The following IMMP2L variants were observed in gnomAD, a reference collection of about 807,000 sequenced individuals.
The protein encoded by IMMP2L is mitochondrial inner membrane protease subunit 2.
Under a neutral mutation model 19.3 loss-of-function variants are expected in IMMP2L, and 18 were observed. The observed-to-expected ratio is 0.93, with a 90% confidence interval of 0.64 to 1.38. The LOEUF (loss-of-function observed/expected upper bound fraction) is 1.38, where lower values mean the gene tolerates loss of function less well. IMMP2L is among the 40% of genes most tolerant of loss of function. The probability of loss-of-function intolerance (pLI) is 0.00; values close to 1 mark genes in which losing one functional copy is unlikely to be tolerated. For synonymous variants in IMMP2L, 76 were observed against 73.0 expected, an observed-to-expected ratio of 1.04 and a Z score of -0.21; for missense variants, 233 against 218.2, an observed-to-expected ratio of 1.07 and a Z score of -0.43.
chr7:110,886,665 T>C lies in IMMP2L; in HGVS notation c.336A>G (p.Lys112=). Residue 112 remains lysine (K), a synonymous_variant, in exon 5 of 6, where the codon AAA becomes AAG. Coordinates refer to ENST00000405709, the MANE Select transcript of IMMP2L (RefSeq NM_032549.4). The part of the protein sequence containing the change: ...RTIGHKNRYV[K]VPRGHIWVEG... Reference sequence around the variant, plus strand: ...CAACCCAGATGTGACCACGGGGGACTTTGACATACCGGTTTTTGTGTCCTA... The same window carrying C: ...CAACCCAGATGTGACCACGGGGGACCTTGACATACCGGTTTTTGTGTCCTA... 1.2e-6 allele frequency: 2 copies of C among 1,604,036 alleles called. No homozygotes were observed. Among genetic ancestry groups the C allele is most frequent in the Admixed American group, 1.7e-5 (1 of 59,938 alleles).
At chr7:110,910,397 T>C (rs529510990) in intron 4 of IMMP2L, among the ~76,000 whole-genome samples, 1 of 152,268 alleles carries the variant, frequency 6.6e-6, no homozygotes, top group Admixed American at 6.5e-5. Flanking sequence ...CTTGTAGTGT[T>C]TATGTACTCA....
rs545949157 is a variant in IMMP2L, at chr7:111,302,390, A to G, written c.239+184848T>C. On this transcript the variant is annotated intron_variant, in intron 3 of 5. Transcript: ENST00000405709. ...TCTGCCTTGTTCAGCAGACCAGCAC[A>G]TAGAATAGTGCTTGACGTCCCTATT... 1.2e-4 allele frequency among the ~76,000 whole-genome samples: 18 copies of G among 152,244 alleles called. No homozygotes were observed. The South Asian group carries it at 3.5e-3, about 30-fold the overall frequency.
intron 5 of IMMP2L, among the ~76,000 whole-genome samples, chr7:110,865,296 T>C (rs1017208206): frequency 6.6e-6 from 1 of 151,884 alleles, no homozygotes; most frequent in Non-Finnish European, 1.5e-5. Flanking sequence ...CCTCTAAAAG[T>C]AAATAAAATT....
At chr7:111,099,367 A>G (rs1166224784) in intron 3 of IMMP2L, among the ~76,000 whole-genome samples, 1 of 151,750 alleles carries the variant, frequency 6.6e-6, no homozygotes, top group African/African-American at 2.4e-5. Flanking sequence ...TCAATTTTCA[A>G]TGAAATTCAT....
At chr7:110,823,182 C>T (rs1027934063) in intron 5 of IMMP2L, among the ~76,000 whole-genome samples, 2 of 152,038 alleles carry the variant, frequency 1.3e-5, no homozygotes, top group Non-Finnish European at 2.9e-5. Context: ...TACTGGCATG[C>T]TTTATCTCCC....
chr7:111,172,426 A>G (rs1806548237), intron 3 of IMMP2L, among the ~76,000 whole-genome samples: 1 of 151,606 alleles, frequency 6.6e-6, no homozygotes, highest in African/African-American at 2.4e-5. Flanking sequence ...ACATGTATAC[A>G]ACGTGTAATG....
chr7:111,249,827 A>C (rs1815869337), intron 3 of IMMP2L, among the ~76,000 whole-genome samples: 1 of 152,174 alleles, frequency 6.6e-6, no homozygotes. Flanking sequence ...CAAAAGTTAG[A>C]AGCATTTCCT....
rs543555364 is a variant in IMMP2L, at chr7:110,931,848, G to A, written c.305+31652C>T. Among the ~76,000 whole-genome samples the A allele has an allele frequency of 2.2e-4, 34 of 152,198 alleles. 1 individual carries two copies. In the South Asian group the frequency reaches 6.8e-3, roughly 31 times the overall value. On this transcript the variant is annotated intron_variant, in intron 4 of 5. Transcript: ENST00000405709. ...ACTACACTCCACTTCATATCCACCAGAGGACCCCTTTTTCCCTTACTCAGA... is the reference window on the plus strand; with the variant it reads ...ACTACACTCCACTTCATATCCACCAAAGGACCCCTTTTTCCCTTACTCAGA...
chr7:110,715,304 CT>C (rs766514321), intron 5 of IMMP2L, among the ~76,000 whole-genome samples: 10 of 151,882 alleles, frequency 6.6e-5, no homozygotes, highest in African/African-American at 9.7e-5. Flanking sequence ...TTTTCTTTTG[CT>C]AGCTTTGGGG....
At position 111,132,741 on chromosome 7, in the gene IMMP2L, A is replaced by C. The variant is rs544362709; in HGVS notation, c.240-169176T>G. ...GATAAAAGAGGTAGCAAAAAGTTTAAATAAAAACTGGACACCATCAAACTT... is the reference window on the plus strand; with the variant it reads ...GATAAAAGAGGTAGCAAAAAGTTTACATAAAAACTGGACACCATCAAACTT... On this transcript the variant is annotated intron_variant, in intron 3 of 5. Transcript: ENST00000405709. Among the ~76,000 whole-genome samples, 19 of 152,156 alleles carry C rather than the reference A, an allele frequency of 1.2e-4. No individual in the cohort carries two copies. The South Asian group carries it at 3.9e-3, about 32-fold the overall frequency.
intron 5 of IMMP2L, among the ~76,000 whole-genome samples, chr7:110,817,225 C>G (rs955394458): frequency 7.9e-5 from 12 of 152,084 alleles, no homozygotes; most frequent in African/African-American, 1.9e-4. Flanking sequence ...ATTGTCTCAG[C>G]CCAAAATCTC....
At chr7:111,480,738 A>G (rs1842112760) in intron 3 of IMMP2L, among the ~76,000 whole-genome samples, 1 of 152,084 alleles carries the variant, frequency 6.6e-6, no homozygotes, top group Non-Finnish European at 1.5e-5. Context: ...ATGTTTGGCC[A>G]TAGATTTTAA....
chr7:110,805,378 G>A lies in IMMP2L; in HGVS notation c.408+81215C>T, dbSNP rs115377376. Among the ~76,000 whole-genome samples, 427 of 151,972 alleles carry A rather than the reference G, an allele frequency of 2.8e-3. 4 individuals carry two copies. The highest frequency in any genetic ancestry group is 9.7e-3 in the African/African-American group (403 of 41,492). On this transcript the variant is annotated intron_variant, in intron 5 of 5. Transcript: ENST00000405709. ...TAACAGAACCTAGAAAAAATTCCTG[G>A]AATAAAATAGGCATGGAGTAAAGCT...
At chr7:111,010,563 C>T (rs1824831826) in intron 3 of IMMP2L, among the ~76,000 whole-genome samples, 1 of 152,042 alleles carries the variant, frequency 6.6e-6, no homozygotes, top group Admixed American at 6.6e-5. Context: ...ATGCTTTTCT[C>T]AAAAAGCCTC....
At chr7:111,418,384 T>A (rs1247738317) in intron 3 of IMMP2L, among the ~76,000 whole-genome samples, 2 of 151,848 alleles carry the variant, frequency 1.3e-5, no homozygotes, top group Admixed American at 1.3e-4. Context: ...TGTATTCCTT[T>A]CTTCATCCTA....
At chr7:111,241,541 C>T (rs1174195405) in intron 3 of IMMP2L, among the ~76,000 whole-genome samples, 2 of 151,842 alleles carry the variant, frequency 1.3e-5, no homozygotes, top group East Asian at 1.9e-4. Flanking sequence ...AAGGACAACC[C>T]TACACATGAA....
chr7:111,536,875 T>C lies in IMMP2L; in HGVS notation c.-2-15426A>G, dbSNP rs1216073003. ...AGACTATTTAAAATGTACAATGTTT[T>C]ATTAATTATCATTAGTAGTACTATT... On this transcript the variant is annotated intron_variant, in intron 1 of 5. Transcript: ENST00000405709. Among the ~76,000 whole-genome samples the C allele has an allele frequency of 2.0e-5, 3 of 152,160 alleles. No homozygotes were observed. In the East Asian group the frequency reaches 5.8e-4, roughly 29 times the overall value.
intron 3 of IMMP2L, among the ~76,000 whole-genome samples, chr7:110,993,857 G>A (rs1822745440): frequency 1.3e-5 from 2 of 152,004 alleles, no homozygotes; most frequent in African/African-American, 4.8e-5. Context: ...CACTCTCCTA[G>A]GGAAACATGC....
rs142386049 is a variant in IMMP2L at position 110,941,193 on chromosome 7, C to G, written c.305+22307G>C. On this transcript the variant is annotated intron_variant, in intron 4 of 5. Coordinates refer to ENST00000405709, the MANE Select transcript of IMMP2L (RefSeq NM_032549.4). Reference sequence around the variant, plus strand: ...AAACATATTTTTATCCAGAAACCTACTGGGAGAAACATCCCATATTCAGGG... The same window carrying G: ...AAACATATTTTTATCCAGAAACCTAGTGGGAGAAACATCCCATATTCAGGG... 6.0e-3 allele frequency among the ~76,000 whole-genome samples: 920 copies of G among 152,276 alleles called. 4 individuals are homozygous for G. The highest frequency in any genetic ancestry group is 0.01 in the Non-Finnish European group (702 of 68,028).
Sources: gnomAD v4.1 joint callset for allele counts (sites outside exome capture counted in the v4.1 genomes callset) on GRCh38, gnomAD v4.1.1 for gene constraint, MANE v1.5 for transcripts, NCBI Gene and HGNC (gene_info 2026-07-23, HGNC 2026-07-21) for gene names.